Variants in ZNF175 observed in about 807,000 individuals in gnomAD.
ZNF175 encodes the protein zinc finger protein OTK18.
ZNF175 carries 8 observed loss-of-function variants against 14.0 expected under a neutral mutation model. The ratio of observed to expected loss-of-function variants is 0.57; its 90% confidence interval spans 0.34 to 1.03. ZNF175 has a LOEUF of 1.03. Among genes scored for constraint, ZNF175 ranks in the 50% least tolerant of loss-of-function variants. ZNF175 has a pLI of 0.03. For synonymous variants in ZNF175, 255 were observed against 296.8 expected (o/e 0.86, Z 1.45); for missense variants, 764 against 849.5 (o/e 0.90, Z 1.25).
chr19:51,582,436 T>A (rs987096364), intron 4 of ZNF175, among the ~76,000 whole-genome samples: 1 of 152,134 alleles, frequency 6.6e-6, no homozygotes, highest in African/African-American at 2.4e-5. Context: ...TAGCTGGGAC[T>A]ACAGGCACCC....
intron 4 of ZNF175, among the ~76,000 whole-genome samples, chr19:51,585,365 A>T (rs900082423): frequency 8.5e-5 from 13 of 152,234 alleles, no homozygotes; most frequent in African/African-American, 3.1e-4. Flanking sequence ...GTTTTGCAAG[A>T]TGTAAAAGTT....
At position 51,592,353 on chromosome 19, in the gene ZNF175, C is replaced by A; in HGVS notation, c.*3886C>A. The A allele has an allele frequency of 2.8e-6, 1 of 357,482 alleles. No homozygotes were observed. Among genetic ancestry groups the A allele is most frequent in the Non-Finnish European group, 5.0e-6 (1 of 200,404 alleles). The allele number at this position is 357,482 out of a possible 1,614,324, so 22.1% of individuals were successfully genotyped here. On this transcript the variant is annotated 3_prime_UTR_variant, in exon 5 of 5. Transcript: ENST00000262259. ...CAATGGGAATAATAATAGATCTCGC[C>A]TTGTGGCTCCTTTGCAGATTACATG... is the stretch of plus-strand genomic sequence containing the variant.
Position 51,588,212 on chromosome 19 carries a change from A to G in ZNF175, c.1881A>G (p.Lys627=), listed in dbSNP as rs1490141641. ...AATGTGGGAAGGCTTTTGTCCAGAA[A>G]TCAGAGTTGATTACCCATCAAAGAA... is the stretch of plus-strand genomic sequence containing the variant. ...CYKCGKAFVQ[K]SELITHQRTH... The change falls in exon 5 of 5, where the codon AAA becomes AAG. Residue 627 remains lysine (K), a synonymous_variant. Coordinates refer to ENST00000262259, the MANE Select transcript of ZNF175 (RefSeq NM_007147.4). 3.1e-6 allele frequency: 5 copies of G among 1,614,046 alleles called. No individual in the cohort carries two copies. In the Admixed American group the frequency reaches 6.7e-5, roughly 22 times the overall value.
At position 51,582,243 on chromosome 19, in the gene ZNF175, T is replaced by C. The variant is rs75136770; in HGVS notation, c.295+361T>C. Among the ~76,000 whole-genome samples, 12 of 152,316 alleles carry C rather than the reference T, an allele frequency of 7.9e-5. No homozygotes were observed. In the East Asian group the frequency reaches 2.1e-3, roughly 27 times the overall value. On this transcript the variant is annotated intron_variant, in intron 4 of 4. Coordinates refer to ENST00000262259, the MANE Select transcript of ZNF175 (RefSeq NM_007147.4). The stretch of plus-strand genomic sequence containing the variant: ...TGCTAACACTTGGCATTAACAAAAT[T>C]GGTGAATTTATAGCCCTACTGATAG...
At chr19:51,584,303 T>G (rs1982101575) in intron 4 of ZNF175, among the ~76,000 whole-genome samples, 1 of 152,232 alleles carries the variant, frequency 6.6e-6, no homozygotes, top group Non-Finnish European at 1.5e-5. Flanking sequence ...GAAGCCATTT[T>G]GAATTGAAAC....
chr19:51,589,264 G>A lies in ZNF175; in HGVS notation c.*797G>A, dbSNP rs1241222036. ...TATGGTCTGGTCAGCATATGTGTAT[G>A]TATGCGTATGTATGTATGTATGTAT... On this transcript the variant is annotated 3_prime_UTR_variant, in exon 5 of 5. Transcript: ENST00000262259. 2 of 426,080 alleles carry A rather than the reference G, an allele frequency of 4.7e-6. No homozygotes were observed. The highest frequency in any genetic ancestry group is 2.5e-5 in the African/African-American group (1 of 40,660). The allele number at this position is 426,080 out of a possible 1,614,324, so 26.4% of individuals were successfully genotyped here. A position where few individuals can be genotyped will look rare whatever the true frequency, so the allele number is the denominator to read the frequency against.
chr19:51,586,387 T>C (rs1363082578), intron 4 of ZNF175, among the ~76,000 whole-genome samples: 1 of 152,250 alleles, frequency 6.6e-6, no homozygotes, highest in Admixed American at 6.5e-5. Flanking sequence ...CCTGAGGTTA[T>C]TATGCAGATT....
In ZNF175 at chr19:51,573,264, C is replaced by G. The variant is rs1423179349; in HGVS notation, c.-66C>G. The G allele has an allele frequency of 1.3e-6, 2 of 1,555,064 alleles. No individual in the cohort carries two copies. The highest frequency in any genetic ancestry group is 8.9e-7 in the Non-Finnish European group (1 of 1,128,800). On this transcript the variant is annotated 5_prime_UTR_variant, in exon 2 of 5. Transcript: ENST00000262259. ...TTGGAAAATCCAAACACCTATCCAGCTTCTGGCTCCTGGGAAAAGTGGAGT... is the reference window on the plus strand; with the variant it reads ...TTGGAAAATCCAAACACCTATCCAGGTTCTGGCTCCTGGGAAAAGTGGAGT...
intron 4 of ZNF175, among the ~76,000 whole-genome samples, chr19:51,582,543 C>T (rs1034976153): frequency 2.6e-5 from 4 of 152,196 alleles, no homozygotes; most frequent in East Asian, 1.9e-4. Flanking sequence ...GTGATCTGCC[C>T]ACCTCGGCCT....
At chr19:51,575,464 G>C (rs1481648009) in intron 2 of ZNF175, among the ~76,000 whole-genome samples, 1 of 152,070 alleles carries the variant, frequency 6.6e-6, no homozygotes, top group East Asian at 1.9e-4. Flanking sequence ...TGATCCGCCT[G>C]CCTCAGTGTC....
At chr19:51,574,525 A>T (rs960906913) in intron 2 of ZNF175, among the ~76,000 whole-genome samples, 1 of 152,156 alleles carries the variant, frequency 6.6e-6, no homozygotes, top group Non-Finnish European at 1.5e-5. Context: ...AAAATTAGCC[A>T]GGTGTGGTGG....
chr19:51,588,008 C>T lies in ZNF175; in HGVS notation c.1677C>T (p.Tyr559=), dbSNP rs1982229491. ...HQRIHTGEKP[Y]KCSECGKAFT... ...GAATTCACACCGGAGAGAAGCCTTA[C>T]AAATGCAGTGAATGTGGGAAAGCCT... Residue 559 remains tyrosine (Y), a synonymous_variant, in exon 5 of 5, where the codon TAC becomes TAT. Coordinates refer to ENST00000262259, the MANE Select transcript of ZNF175 (RefSeq NM_007147.4). The T allele has an allele frequency of 6.2e-7, 1 of 1,613,518 alleles. No individual in the cohort carries two copies. The highest frequency in any genetic ancestry group is 2.2e-5 in the East Asian group (1 of 44,796).
At chr19:51,572,060 GGT>G (rs543518115) in intron 1 of ZNF175, among the ~76,000 whole-genome samples, 97 of 152,308 alleles carry the variant, frequency 6.4e-4, no homozygotes, top group African/African-American at 2.3e-3. Context: ...CCTTGGACAT[GGT>G]AAGGATCAGT....
At chr19:51,574,468 A>G (rs1311728928) in intron 2 of ZNF175, among the ~76,000 whole-genome samples, 2 of 152,216 alleles carry the variant, frequency 1.3e-5, no homozygotes, top group Non-Finnish European at 2.9e-5. Flanking sequence ...TGAGCCCAGG[A>G]GTTGGAGACC....
At chr19:51,576,154 T>TGG (rs1981778812) in intron 2 of ZNF175, among the ~76,000 whole-genome samples, 26 of 112,684 alleles carry the variant, frequency 2.3e-4, no homozygotes, top group East Asian at 1.1e-3. Flanking sequence ...TTTTTTTTGT[T>TGG]TTTTTTTTTT....
At chr19:51,575,591 G>A (rs1568572750) in intron 2 of ZNF175, among the ~76,000 whole-genome samples, 1 of 152,142 alleles carries the variant, frequency 6.6e-6, no homozygotes, top group Non-Finnish European at 1.5e-5. Flanking sequence ...ATAGGAAAGA[G>A]GATCAGATGG....
At chr19:51,581,321 C>T in intron 2 of ZNF175, 70 bp from the exon 3 acceptor site, 2 of 1,610,210 alleles carry the variant, frequency 1.2e-6, no homozygotes, top group South Asian at 2.2e-5. Context: ...AAGCATGTTC[C>T]TCCTATATGT....
In ZNF175 at chr19:51,589,355, A is replaced by AT; in HGVS notation, c.*894dup. 1.7e-6 allele frequency: 1 copy of AT among 579,290 alleles called. No individual in the cohort carries two copies. The highest frequency in any genetic ancestry group is 3.0e-6 in the Non-Finnish European group (1 of 328,928). 35.9% of individuals were successfully genotyped at this position (579,290 alleles called of 1,614,324 possible). A position where few individuals can be genotyped will look rare whatever the true frequency, so the allele number is the denominator to read the frequency against. On this transcript the variant is annotated 3_prime_UTR_variant, in exon 5 of 5. Coordinates refer to ENST00000262259, the MANE Select transcript of ZNF175 (RefSeq NM_007147.4). Reference sequence around the variant, plus strand: ...AGCAGGAGATGTAAGCAGATGAGTTATTTTTTAAGAGAATCTAATCTAATT... The same window carrying AT: ...AGCAGGAGATGTAAGCAGATGAGTTATTTTTTTAAGAGAATCTAATCTAATT...
At chr19:51,576,140 G>GA (rs1981774275) in intron 2 of ZNF175, among the ~76,000 whole-genome samples, 1 of 135,326 alleles carries the variant, frequency 7.4e-6, no homozygotes, top group Non-Finnish European at 1.6e-5. Flanking sequence ...TTCAGGGACA[G>GA]TTTTTTTTTT....
Sources: gnomAD v4.1 joint callset for allele counts (sites outside exome capture counted in the v4.1 genomes callset) on GRCh38, gnomAD v4.1.1 for gene constraint, MANE v1.5 for transcripts, NCBI Gene and HGNC (gene_info 2026-07-23, HGNC 2026-07-21) for gene names.